The following RAB27A variants were observed in gnomAD, a reference collection of about 807,000 sequenced individuals.
RAB27A encodes the protein ras-related protein Rab-27A.
In RAB27A, 17 loss-of-function variants were observed where a neutral mutation model predicts 20.8. The observed-to-expected ratio is 0.82, with a 90% confidence interval of 0.56 to 1.23. RAB27A has a LOEUF of 1.23. RAB27A is among the 50% of genes most tolerant of loss of function. The pLI is 0.00. For synonymous variants in RAB27A, 85 were observed against 92.8 expected (o/e 0.92, Z 0.48); for missense variants, 277 against 266.7 (o/e 1.04, Z -0.27).
chr15:55,297,572 G>A (rs1330685782), intron 2 of RAB27A, among the ~76,000 whole-genome samples: 1 of 152,220 alleles, frequency 6.6e-6, no homozygotes, highest in Non-Finnish European at 1.5e-5. Context: ...TCTTACCAGT[G>A]CCATCCAACA....
At chr15:55,259,516 G>A (rs61160441) in intron 2 of RAB27A, among the ~76,000 whole-genome samples, 2,128 of 151,834 alleles carry the variant, frequency 0.014, 54 homozygotes, top group African/African-American at 0.049. Flanking sequence ...TGAACTCCTA[G>A]TCTCAAGTGA....
chr15:55,228,651 G>A lies in RAB27A; in HGVS notation c.301C>T (p.Leu101=). ...TTGAGGAAACTTTGCTCATTTGTCA[G>A]ATCAAAAAGTAGAAGAAAACCCATA... ...DAMGFLLLFD[L]TNEQSFLNVR... is the part of the protein sequence containing the mutation. Residue 101 remains leucine (L), a synonymous_variant, in exon 5 of 7, where the codon CTG becomes TTG. Transcript: ENST00000336787. 1 of 1,613,546 alleles carries A rather than the reference G, an allele frequency of 6.2e-7. No individual in the cohort carries two copies. Among genetic ancestry groups the A allele is most frequent in the Non-Finnish European group, 8.5e-7 (1 of 1,179,522 alleles).
chr15:55,297,818 C>T (rs2054955740), intron 2 of RAB27A, among the ~76,000 whole-genome samples: 1 of 152,142 alleles, frequency 6.6e-6, no homozygotes, highest in South Asian at 2.1e-4. Context: ...CTGTATATTT[C>T]TACCAAATTG....
chr15:55,257,192 G>A (rs1194257295), intron 2 of RAB27A, among the ~76,000 whole-genome samples: 1 of 152,096 alleles, frequency 6.6e-6, no homozygotes, highest in African/African-American at 2.4e-5. Context: ...GGTGGTATCA[G>A]ATTTTTGGAA....
At chr15:55,292,325 A>AT (rs1284494089), upstream of RAB27A, among the ~76,000 whole-genome samples, 3 of 152,246 alleles carry the variant, frequency 2.0e-5, no homozygotes, top group African/African-American at 7.2e-5. Flanking sequence ...TCCTAAAGCG[A>AT]TTAAGCAGTC....
chr15:55,218,196 G>A (rs1052821179), intron 6 of RAB27A, among the ~76,000 whole-genome samples: 2 of 152,202 alleles, frequency 1.3e-5, no homozygotes, highest in Admixed American at 1.3e-4. Flanking sequence ...AAAGTGAGAA[G>A]TGAGTTTCAC....
intron 2 of RAB27A, among the ~76,000 whole-genome samples, chr15:55,260,735 T>C (rs373731111): frequency 7.2e-5 from 11 of 152,176 alleles, no homozygotes; most frequent in African/African-American, 2.4e-5. Flanking sequence ...ACTGTGGAGA[T>C]AGTACAAAGA....
chr15:55,246,916 G>A (rs1896709451), intron 2 of RAB27A, among the ~76,000 whole-genome samples: 1 of 152,104 alleles, frequency 6.6e-6, no homozygotes, highest in Non-Finnish European at 1.5e-5. Flanking sequence ...AGACTTCGGA[G>A]TCAAGTTCTC....
At chr15:55,220,543 T>C (rs914385068) in intron 6 of RAB27A, among the ~76,000 whole-genome samples, 4 of 152,204 alleles carry the variant, frequency 2.6e-5, no homozygotes, top group African/African-American at 9.7e-5. Flanking sequence ...AGTGCTGGCA[T>C]TGCAGGTATG....
At chr15:55,237,607 T>C (rs79530684) in intron 2 of RAB27A, among the ~76,000 whole-genome samples, 10,220 of 152,152 alleles carry the variant, frequency 0.067, 1,155 homozygotes, top group African/African-American at 0.23. Context: ...ATCAACATTA[T>C]AGCACGTCAT....
At chr15:55,245,719 A>G (rs1179256522) in intron 2 of RAB27A, among the ~76,000 whole-genome samples, 1 of 152,222 alleles carries the variant, frequency 6.6e-6, no homozygotes, top group African/African-American at 2.4e-5. Flanking sequence ...CAACTGCTAG[A>G]AAACTGCTAG....
chr15:55,217,193 C>T (rs907513463), intron 6 of RAB27A, among the ~76,000 whole-genome samples: 1 of 152,090 alleles, frequency 6.6e-6, no homozygotes, highest in African/African-American at 2.4e-5. Flanking sequence ...TTAGACTAAT[C>T]ACTCAGAGTT....
chr15:55,213,054 A>T (rs1229244643), intron 6 of RAB27A, among the ~76,000 whole-genome samples: 1 of 152,240 alleles, frequency 6.6e-6, no homozygotes, highest in Non-Finnish European at 1.5e-5. Context: ...AAGCCATGAA[A>T]GTCGTGATAA....
chr15:55,213,578 T>C (rs974447003), intron 6 of RAB27A, among the ~76,000 whole-genome samples: 4 of 152,184 alleles, frequency 2.6e-5, no homozygotes, highest in Non-Finnish European at 4.4e-5. Context: ...TTCATCTGTA[T>C]TTACAGCTGC....
intron 1 of RAB27A, among the ~76,000 whole-genome samples, chr15:55,274,792 A>C (rs1458423810): frequency 9.8e-6 from 1 of 101,564 alleles, no homozygotes; most frequent in Admixed American, 1.1e-4. Context: ...AAAATAAATA[A>C]ATTATATATA....
chr15:55,248,747 A>T (rs1896780728), intron 2 of RAB27A, among the ~76,000 whole-genome samples: 3 of 152,184 alleles, frequency 2.0e-5, no homozygotes, highest in Non-Finnish European at 4.4e-5. Context: ...GCTTTTCCTG[A>T]TGTTTTAATA....
At chr15:55,298,360 G>C (rs1258027309) in intron 2 of RAB27A, among the ~76,000 whole-genome samples, 1 of 152,124 alleles carries the variant, frequency 6.6e-6, no homozygotes, top group African/African-American at 2.4e-5. Flanking sequence ...GGCGACCGGG[G>C]GAGACATCAC....
At chr15:55,297,301 C>G (rs1297194402) in intron 2 of RAB27A, among the ~76,000 whole-genome samples, 1 of 152,226 alleles carries the variant, frequency 6.6e-6, no homozygotes, top group East Asian at 1.9e-4. Context: ...ACATGCAAGC[C>G]GTGCAAAGCA....
chr15:55,235,164 C>T (rs1896204437), intron 2 of RAB27A, among the ~76,000 whole-genome samples: 1 of 152,100 alleles, frequency 6.6e-6, no homozygotes, highest in Non-Finnish European at 1.5e-5. Context: ...TAGTAATTAA[C>T]AGTGTAGTTT....
Sources: gnomAD v4.1 joint callset for allele counts (sites outside exome capture counted in the v4.1 genomes callset) on GRCh38, gnomAD v4.1.1 for gene constraint, MANE v1.5 for transcripts, NCBI Gene and HGNC (gene_info 2026-07-23, HGNC 2026-07-21) for gene names.